PTPRM: variants seen among roughly 807,000 people sequenced by gnomAD.
PTPRM encodes the protein receptor-type tyrosine-protein phosphatase mu.
In PTPRM, 47 loss-of-function variants were observed where a neutral mutation model predicts 186.7. The observed-to-expected ratio is 0.25, with a 90% confidence interval of 0.20 to 0.32. PTPRM has a LOEUF of 0.32. PTPRM is among the 10% of genes least tolerant of loss of function. The pLI is 1.00. For missense variants in PTPRM, 1,494 were observed against 1,865.0 expected (o/e 0.80, Z 3.66); for synonymous variants, 668 against 674.9 (o/e 0.99, Z 0.16).
At chr18:7,661,485 CAATG>C (rs1395022806) in intron 1 of PTPRM, among the ~76,000 whole-genome samples, 2 of 152,178 alleles carry the variant, frequency 1.3e-5, no homozygotes, top group African/African-American at 4.8e-5. Context: ...AAGGCAGTGA[CAATG>C]AATGTGCCAA....
chr18:7,826,727 G>GAA (rs1420029793), intron 2 of PTPRM, among the ~76,000 whole-genome samples: 1 of 152,132 alleles, frequency 6.6e-6, no homozygotes, highest in East Asian at 1.9e-4. Flanking sequence ...ATTATCCAAA[G>GAA]AAAACAACTT....
intron 1 of PTPRM, among the ~76,000 whole-genome samples, chr18:7,622,733 C>T (rs548939167): frequency 5.9e-5 from 9 of 152,242 alleles, no homozygotes; most frequent in African/African-American, 2.2e-4. Flanking sequence ...AAGTCAGTTT[C>T]AGCATCAGGC....
chr18:8,229,939 C>T (rs1040106959), intron 14 of PTPRM, among the ~76,000 whole-genome samples: 1 of 152,210 alleles, frequency 6.6e-6, no homozygotes, highest in Non-Finnish European at 1.5e-5. Context: ...TTGCAGACAC[C>T]TTTCCTCACC....
At chr18:7,595,671 T>C (rs1203767204) in intron 1 of PTPRM, among the ~76,000 whole-genome samples, 1 of 152,212 alleles carries the variant, frequency 6.6e-6, no homozygotes, top group Non-Finnish European at 1.5e-5. Context: ...ACTTCAATAG[T>C]AATGTTACTC....
intron 2 of PTPRM, among the ~76,000 whole-genome samples, chr18:7,878,320 A>C (rs9958035): frequency 0.028 from 4,199 of 152,248 alleles, 191 homozygotes; most frequent in African/African-American, 0.096. Context: ...TAATGTGGAC[A>C]CCGTTTCATT....
At chr18:8,240,651 GAGAAAGAAAGAA>G (rs761192602) in intron 14 of PTPRM, among the ~76,000 whole-genome samples, 4 of 33,838 alleles carry the variant, frequency 1.2e-4, no homozygotes, top group African/African-American at 1.8e-4. Context: ...GAGAGAGAGA[GAGAAAGAAAGAA>G]AGAAAGAAAG....
At chr18:8,139,558 T>A in intron 13 of PTPRM, among the ~76,000 whole-genome samples, 1 of 152,222 alleles carries the variant, frequency 6.6e-6, no homozygotes, top group Non-Finnish European at 1.5e-5. Context: ...GAGAGAGTCC[T>A]TCCAGCTATC....
intron 2 of PTPRM, among the ~76,000 whole-genome samples, chr18:7,875,589 G>C (rs1012996210): frequency 4.6e-5 from 7 of 152,160 alleles, no homozygotes; most frequent in Admixed American, 4.6e-4. Flanking sequence ...TTCCCAAAGT[G>C]CTGGGATTAC....
At chr18:8,213,802 T>G (rs1207690022) in intron 14 of PTPRM, among the ~76,000 whole-genome samples, 2 of 152,198 alleles carry the variant, frequency 1.3e-5, no homozygotes, top group Non-Finnish European at 2.9e-5. Context: ...GACACCTGCA[T>G]GCATGCGCTT....
chr18:7,909,083 A>G (rs1373720790), intron 4 of PTPRM, among the ~76,000 whole-genome samples: 13 of 152,188 alleles, frequency 8.5e-5, no homozygotes, highest in Admixed American at 8.5e-4. Context: ...ATGGCTTTCT[A>G]TTACATATCC....
At chr18:7,842,419 G>A (rs2046369205) in intron 2 of PTPRM, among the ~76,000 whole-genome samples, 1 of 152,154 alleles carries the variant, frequency 6.6e-6, no homozygotes, top group Non-Finnish European at 1.5e-5. Flanking sequence ...TCCTTATGAT[G>A]GTTAATTTGT....
At chr18:8,253,499 C>A in intron 19 of PTPRM, 85 bp downstream of exon 19, 1 of 1,218,146 alleles carries the variant, frequency 8.2e-7, no homozygotes, top group Non-Finnish European at 1.1e-6. Flanking sequence ...ATCAGAAAGC[C>A]AGAGAAAACC....
intron 1 of PTPRM, among the ~76,000 whole-genome samples, chr18:7,599,686 C>T (rs757655222): frequency 2.6e-5 from 4 of 152,162 alleles, no homozygotes; most frequent in Non-Finnish European, 4.4e-5. Context: ...CAGAGGCTAA[C>T]ACAGGGCCCA....
At chr18:8,097,988 T>C (rs2145481418) in intron 11 of PTPRM, among the ~76,000 whole-genome samples, 1 of 152,342 alleles carries the variant, frequency 6.6e-6, no homozygotes, top group South Asian at 2.1e-4. Flanking sequence ...CATTTAGCTT[T>C]AGGTTTACAG....
intron 23 of PTPRM, among the ~76,000 whole-genome samples, chr18:8,366,476 G>A (rs1334058262): frequency 6.6e-6 from 1 of 152,210 alleles, no homozygotes; most frequent in Non-Finnish European, 1.5e-5. Flanking sequence ...TGCCCTGAAG[G>A]TTACAGTCAT....
At chr18:7,838,519 CAG>C (rs1218313911) in intron 2 of PTPRM, among the ~76,000 whole-genome samples, 1 of 152,226 alleles carries the variant, frequency 6.6e-6, no homozygotes, top group African/African-American at 2.4e-5. Flanking sequence ...TCCCAAAAAA[CAG>C]AGTCTCTGTC....
chr18:7,708,757 T>C (rs887095555), intron 1 of PTPRM, among the ~76,000 whole-genome samples: 1 of 152,144 alleles, frequency 6.6e-6, no homozygotes, highest in Non-Finnish European at 1.5e-5. Flanking sequence ...AGTCCACTTA[T>C]CAGATGAGCA....
Position 8,370,950 on chromosome 18 carries a change from C to T in PTPRM, c.3115C>T (p.Leu1039=), listed in dbSNP as rs1338846194. Residue 1039 remains leucine, a synonymous_variant, in exon 24 of 33, where the codon CTA becomes TTA. Transcript: ENST00000580170. ...TEIYKDIKVT[L]IETELLAEYV... is the part of the protein sequence containing the mutation. ...GATATATAAAGACATTAAAGTTACC[C>T]TAATAGAAACAGAACTACTGGCAGA... 3 of 1,608,458 alleles carry T rather than the reference C, an allele frequency of 1.9e-6. No homozygotes were observed. Among genetic ancestry groups the T allele is most frequent in the Admixed American group, 1.7e-5 (1 of 59,718 alleles).
intron 14 of PTPRM, among the ~76,000 whole-genome samples, chr18:8,229,960 C>T (rs1386252612): frequency 1.3e-5 from 2 of 152,198 alleles, no homozygotes; most frequent in African/African-American, 4.8e-5. Flanking sequence ...AGTGACTCAT[C>T]GTGTGGTGTT....
Sources: gnomAD v4.1 joint callset for allele counts (sites outside exome capture counted in the v4.1 genomes callset) on GRCh38, gnomAD v4.1.1 for gene constraint, MANE v1.5 for transcripts, NCBI Gene and HGNC (gene_info 2026-07-23, HGNC 2026-07-21) for gene names.